Variants in HSPA14 observed in about 807,000 individuals in gnomAD.
HSPA14 encodes the protein heat shock protein family A (Hsp70) member 14, also known as heat shock 70 kDa protein 14.
In HSPA14, 37 loss-of-function variants were observed where a neutral mutation model predicts 65.5. The ratio of observed to expected loss-of-function variants is 0.56; its 90% CI spans 0.43 to 0.74. The LOEUF (loss-of-function observed/expected upper bound fraction) is 0.74, where lower values mean the gene tolerates loss of function less well. Ranked by LOEUF, HSPA14 falls within the 30% of genes least tolerant of loss-of-function variation. The probability of loss-of-function intolerance (pLI) is 0.00; values close to 1 mark genes in which losing one functional copy is unlikely to be tolerated. For synonymous variants in HSPA14, 203 were observed against 214.2 expected, an observed-to-expected ratio of 0.95 and a Z score of 0.46; for missense variants, 564 against 607.6, an observed-to-expected ratio of 0.93 and a Z score of 0.75.
intron 3 of HSPA14, chr10:14,843,821 A>C: frequency 2.0e-6 from 3 of 1,536,410 alleles, no homozygotes; most frequent in Non-Finnish European, 2.6e-6. Context: ...ACAGCAGTGG[A>C]AGAGGCAACT....
chr10:14,852,671 C>A, intron 8 of HSPA14, 140 bp downstream of exon 8: 1 of 714,578 alleles, frequency 1.4e-6, no homozygotes, highest in Non-Finnish European at 2.3e-6. Flanking sequence ...TGGATATTTT[C>A]ATATCTAGAG....
intron 10 of HSPA14, among the ~76,000 whole-genome samples, chr10:14,858,666 T>G (rs1168035820): frequency 2.0e-5 from 3 of 152,194 alleles, no homozygotes; most frequent in Admixed American, 1.3e-4. Flanking sequence ...GGCAGAGAGA[T>G]ATACCCCACC....
intron 13 of HSPA14, among the ~76,000 whole-genome samples, chr10:14,871,103 G>A (rs1050803086): frequency 7.9e-5 from 12 of 152,172 alleles, no homozygotes; most frequent in African/African-American, 2.9e-4. Flanking sequence ...ATATCACTAT[G>A]TATTACAAGT....
rs757122139 is a variant in HSPA14, at chr10:14,842,052, C to G, written c.221+1895C>G. 2 of 1,017,998 alleles carry G rather than the reference C, an allele frequency of 2.0e-6. No homozygotes were observed. Among genetic ancestry groups the G allele is most frequent in the Non-Finnish European group, 2.9e-6 (2 of 686,362 alleles). 63.1% of individuals were successfully genotyped at this position (1,017,998 alleles called of 1,614,324 possible). A position where few individuals can be genotyped will look rare whatever the true frequency, so the allele number is the denominator to read the frequency against. ...TGGCCTCATGCCTGTTTATGACCTA[C>G]TCACAGGTAGCACCACTTAACTTGC... On this transcript the variant is annotated intron_variant, in intron 3 of 13. Transcript: ENST00000378372. The surrounding 1 kb of genome is among the most constrained non-coding windows in gnomAD (Gnocchi z 5.2).
intron 2 of HSPA14, 36 bp from the exon 3 acceptor site, chr10:14,840,039 G>T (rs1280888544): frequency 2.5e-5 from 33 of 1,303,086 alleles, no homozygotes; most frequent in Non-Finnish European, 3.3e-5. Context: ...TACATACATT[G>T]TAATATATAT....
intron 3 of HSPA14, among the ~76,000 whole-genome samples, chr10:14,848,405 TTAG>T (rs1249313937): frequency 6.6e-6 from 1 of 152,232 alleles, no homozygotes; most frequent in Non-Finnish European, 1.5e-5. Context: ...GATCAGTACT[TTAG>T]TAGAATTACT....
Position 14,838,471 on chromosome 10 carries a change from C to A in HSPA14, c.57+12C>A. The A allele has an allele frequency of 6.3e-7, 1 of 1,598,314 alleles. No individual in the cohort carries two copies. The highest frequency in any genetic ancestry group is 8.5e-7 in the Non-Finnish European group (1 of 1,174,676). ...TGGCCGTCTATAAGGTGAGGGGCTG[C>A]GGAGCTGGGCTAGGGCTTCATGACG... On this transcript the variant is annotated intron_variant, in intron 1 of 13. Transcript: ENST00000378372.
intron 3 of HSPA14, among the ~76,000 whole-genome samples, chr10:14,848,001 A>G (rs1834075307): frequency 6.6e-6 from 1 of 152,218 alleles, no homozygotes; most frequent in Non-Finnish European, 1.5e-5. Context: ...TCTCTAAAAT[A>G]ATACCTGCCA....
chr10:14,840,152 C>A lies in HSPA14; in HGVS notation c.216C>A (p.Gly72=). 2 of 1,410,838 alleles carry A rather than the reference C, an allele frequency of 1.4e-6. No individual in the cohort carries two copies. The highest frequency in any genetic ancestry group is 1.9e-6 in the Non-Finnish European group (2 of 1,052,884). 87.4% of individuals were successfully genotyped at this position (1,410,838 alleles called of 1,614,324 possible). A position where few individuals can be genotyped will look rare whatever the true frequency, so the allele number is the denominator to read the frequency against. Residue 72 remains glycine, a synonymous_variant, in exon 3 of 14, where the codon GGC becomes GGA. Transcript: ENST00000378372. ...TAATGAAAGTAAAGCAGATCCTGGG[C>A]AGAAGGTATGGAATCAAATGATACT... is the stretch of plus-strand genomic sequence containing the variant. ...NTVMKVKQIL[G]RSSSDPQAQK...
At chr10:14,847,790 A>C (rs1019369904) in intron 3 of HSPA14, among the ~76,000 whole-genome samples, 1 of 152,202 alleles carries the variant, frequency 6.6e-6, no homozygotes, top group Non-Finnish European at 1.5e-5. Flanking sequence ...ATTTTATCTT[A>C]ATTTCTAGAT....
intron 12 of HSPA14, among the ~76,000 whole-genome samples, chr10:14,868,532 G>A (rs545877208): frequency 3.3e-5 from 5 of 151,286 alleles, no homozygotes; most frequent in South Asian, 4.1e-4. Context: ...CACACGGACT[G>A]CAGAACAGTA....
intron 10 of HSPA14, among the ~76,000 whole-genome samples, chr10:14,860,293 C>G (rs1246171526): frequency 6.6e-6 from 1 of 152,144 alleles, no homozygotes; most frequent in Non-Finnish European, 1.5e-5. Flanking sequence ...CACACCTATT[C>G]TACGCTAGGC....
intron 10 of HSPA14, among the ~76,000 whole-genome samples, chr10:14,866,386 A>C (rs1832807254): frequency 6.6e-6 from 1 of 152,198 alleles, no homozygotes; most frequent in South Asian, 2.1e-4. Flanking sequence ...ATCATCCGTA[A>C]AGACTGTGAA....
Position 14,842,686 on chromosome 10 carries a change from G to A in HSPA14, c.221+2529G>A. The A allele has an allele frequency of 1.3e-6, 2 of 1,536,332 alleles. No homozygotes were observed. The highest frequency in any genetic ancestry group is 1.7e-6 in the Non-Finnish European group (2 of 1,146,970). On this transcript the variant is annotated intron_variant, in intron 3 of 13. Coordinates refer to ENST00000378372, the MANE Select transcript of HSPA14 (RefSeq NM_016299.4). The surrounding 1 kb of genome is among the most constrained non-coding windows in gnomAD (Gnocchi z 5.2). ...TGGCCTCTGACGCCCCAGGGGAAGA[G>A]GGAACCGGCATTCTAAAATCAAAAA...
intron 12 of HSPA14, among the ~76,000 whole-genome samples, chr10:14,869,896 G>A (rs1230951512): frequency 6.6e-6 from 1 of 152,174 alleles, no homozygotes; most frequent in Non-Finnish European, 1.5e-5. Flanking sequence ...CAGGAGGAGC[G>A]TTAGCCACGT....
rs199812378 is a variant in HSPA14 at position 14,849,724 on chromosome 10, C to T, written c.380C>T (p.Thr127Met). The change falls in exon 6 of 14, where the codon ACG becomes ATG. Residue 127 changes from threonine to methionine, a missense_variant. Thr to Met is a moderately conservative substitution (Grantham distance 81). Transcript: ENST00000378372. ...TTTTATATTTTTTAATATGCAGAAA[C>T]GGCACATTCTGTATTGGGCTCAGAT... ...ARLIFSKMKE[T>M]AHSVLGSDAN... The T allele has an allele frequency of 3.8e-6, 6 of 1,596,440 alleles. No homozygotes were observed. The highest frequency in any genetic ancestry group is 5.1e-6 in the Non-Finnish European group (6 of 1,172,880).
chr10:14,845,969 CAAAATG>C, intron 3 of HSPA14: 1 of 915,776 alleles, frequency 1.1e-6, no homozygotes, highest in African/African-American at 1.8e-5. Context: ...TAATAAAAGA[CAAAATG>C]AAAACGAAAT....
chr10:14,842,316 G>A lies in HSPA14; in HGVS notation c.221+2159G>A, dbSNP rs1338942668. ...AGTGCCAATAGCAGTGCGGGCATCC[G>A]GTGGTCCAGACAGGAGACACGAACT... On this transcript the variant is annotated intron_variant, in intron 3 of 13. Coordinates refer to ENST00000378372, the MANE Select transcript of HSPA14 (RefSeq NM_016299.4). This position sits in a 1 kb window ranked among gnomAD's most constrained non-coding sequence, Gnocchi z 5.2. 11 of 1,535,828 alleles carry A rather than the reference G, an allele frequency of 7.2e-6. No homozygotes were observed. Among genetic ancestry groups the A allele is most frequent in the Middle Eastern group, 3.3e-4 (2 of 6,012 alleles).
At chr10:14,868,868 A>G (rs1448530544) in intron 12 of HSPA14, among the ~76,000 whole-genome samples, 4 of 152,168 alleles carry the variant, frequency 2.6e-5, no homozygotes, top group Non-Finnish European at 5.9e-5. Context: ...TTTTTTTGAG[A>G]CGGAGTCTCG....
Sources: allele counts gnomAD v4.1 joint callset (sites outside exome capture counted in the v4.1 genomes callset), GRCh38; gene constraint gnomAD v4.1.1; non-coding constraint Gnocchi (gnomAD v3.1); transcripts MANE v1.5; gene names NCBI Gene and HGNC (gene_info 2026-07-23, HGNC 2026-07-21).